Variants in KAZN observed in about 807,000 individuals in gnomAD.
The protein encoded by KAZN is kazrin.
KAZN carries 40 observed loss-of-function variants against 87.4 expected under a neutral mutation model. The observed-to-expected ratio is 0.46, with a 90% CI of 0.36 to 0.60. The LOEUF (loss-of-function observed/expected upper bound fraction) is 0.60, where lower values mean the gene tolerates loss of function less well. Ranked by LOEUF, KAZN falls within the 20% of genes least tolerant of loss-of-function variation. KAZN has a pLI of 0.00. For synonymous variants in KAZN, 466 were observed against 458.3 expected (o/e 1.02, Z -0.22); for missense variants, 898 against 1,073.9 (o/e 0.84, Z 2.29).
At chr1:14,014,301 A>T (rs1396617005) in intron 1 of KAZN, among the ~76,000 whole-genome samples, 3 of 152,076 alleles carry the variant, frequency 2.0e-5, no homozygotes, top group Non-Finnish European at 2.9e-5. Context: ...AGTCGCCTAG[A>T]CCAGGGTGCT....
intron 1 of KAZN, among the ~76,000 whole-genome samples, chr1:14,603,589 G>C (rs144771718): frequency 6.6e-6 from 1 of 152,168 alleles, no homozygotes; most frequent in East Asian, 1.9e-4. Flanking sequence ...TTAATTTCAT[G>C]CTTCCATTGT....
At chr1:14,237,001 A>G (rs923539917) in intron 2 of KAZN, among the ~76,000 whole-genome samples, 5 of 152,244 alleles carry the variant, frequency 3.3e-5, no homozygotes, top group Admixed American at 6.5e-5. Context: ...CATATAAACA[A>G]TGAAAATAAA....
chr1:14,687,809 T>C (rs1015472757), intron 1 of KAZN, among the ~76,000 whole-genome samples: 5 of 152,214 alleles, frequency 3.3e-5, no homozygotes, highest in African/African-American at 1.2e-4. Flanking sequence ...GGGGCTCACG[T>C]TGATAGGCAA....
chr1:14,437,167 C>T (rs781141132), intron 2 of KAZN, among the ~76,000 whole-genome samples: 11 of 152,196 alleles, frequency 7.2e-5, no homozygotes, highest in Non-Finnish European at 1.6e-4. Context: ...CCATGTGTCT[C>T]TTCTAGATAA....
At chr1:14,095,465 G>C (rs1644106672) in intron 1 of KAZN, among the ~76,000 whole-genome samples, 1 of 152,050 alleles carries the variant, frequency 6.6e-6, no homozygotes, top group African/African-American at 2.4e-5. Context: ...CCATTTTATT[G>C]TGCTCACAGA....
chr1:14,712,576 C>A (rs1364090578), intron 1 of KAZN, among the ~76,000 whole-genome samples: 2 of 152,194 alleles, frequency 1.3e-5, no homozygotes, highest in African/African-American at 4.8e-5. Context: ...GAGACCCCTC[C>A]GATCTGCCAG....
intron 2 of KAZN, among the ~76,000 whole-genome samples, chr1:14,261,667 C>T (rs1039410829): frequency 2.0e-5 from 3 of 152,166 alleles, no homozygotes; most frequent in Non-Finnish European, 4.4e-5. Flanking sequence ...AACTGTGAGG[C>T]AGAGTGTTTC....
intron 1 of KAZN, among the ~76,000 whole-genome samples, chr1:14,090,971 G>A (rs1010019610): frequency 2.0e-5 from 3 of 151,974 alleles, no homozygotes; most frequent in East Asian, 1.9e-4. Context: ...AATTAGCTGG[G>A]CATGGTGGCA....
At chr1:14,695,703 A>C (rs1421632993) in intron 1 of KAZN, among the ~76,000 whole-genome samples, 2 of 151,538 alleles carry the variant, frequency 1.3e-5, no homozygotes, top group Non-Finnish European at 2.9e-5. Context: ...ATGGGGTTTC[A>C]TCATGTTAGC....
At chr1:14,181,901 G>T (rs1401161872) in intron 2 of KAZN, among the ~76,000 whole-genome samples, 1 of 152,066 alleles carries the variant, frequency 6.6e-6, no homozygotes, top group Non-Finnish European at 1.5e-5. Context: ...ATCCCAAAAG[G>T]CATTGTGTGT....
intron 1 of KAZN, among the ~76,000 whole-genome samples, chr1:14,093,088 C>T (rs1432844415): frequency 2.6e-5 from 4 of 152,198 alleles, no homozygotes; most frequent in Non-Finnish European, 5.9e-5. Flanking sequence ...TACACGTCCA[C>T]TGTGCTCCCA....
chr1:14,426,069 C>G (rs1435799986), intron 2 of KAZN, among the ~76,000 whole-genome samples: 1 of 152,244 alleles, frequency 6.6e-6, no homozygotes, highest in Non-Finnish European at 1.5e-5. Flanking sequence ...GCCTGGGCCC[C>G]CCGGCCTCCT....
intron 1 of KAZN, among the ~76,000 whole-genome samples, chr1:14,926,817 G>A (rs1031093456): frequency 2.0e-5 from 3 of 152,204 alleles, no homozygotes; most frequent in South Asian, 2.1e-4. Flanking sequence ...CAAGTCAAAT[G>A]TGGTGCTCAG....
At chr1:14,520,329 G>C (rs1034793427) in intron 2 of KAZN, among the ~76,000 whole-genome samples, 1 of 152,084 alleles carries the variant, frequency 6.6e-6, no homozygotes, top group African/African-American at 2.4e-5. Flanking sequence ...CAGACCTCCC[G>C]AGAAGGGTGG....
At chr1:14,952,715 CA>C (rs1662645294) in intron 1 of KAZN, among the ~76,000 whole-genome samples, 1 of 152,204 alleles carries the variant, frequency 6.6e-6, no homozygotes, top group African/African-American at 2.4e-5. Flanking sequence ...GCCTTCAGCA[CA>C]TTCATCTCTG....
chr1:14,237,933 C>T (rs929502748), intron 2 of KAZN, among the ~76,000 whole-genome samples: 1 of 152,216 alleles, frequency 6.6e-6, no homozygotes, highest in African/African-American at 2.4e-5. Context: ...TTTATAAAAT[C>T]AGGTACTAAG....
At chr1:14,733,015 G>T (rs1643747337) in intron 1 of KAZN, among the ~76,000 whole-genome samples, 1 of 152,010 alleles carries the variant, frequency 6.6e-6, no homozygotes, top group Non-Finnish European at 1.5e-5. Flanking sequence ...CATGAGATTT[G>T]GGAAGAAATT....
intron 2 of KAZN, among the ~76,000 whole-genome samples, chr1:14,428,013 A>G (rs1327951857): frequency 2.0e-5 from 3 of 152,200 alleles, no homozygotes; most frequent in Non-Finnish European, 4.4e-5. Context: ...CTTGAGCTGG[A>G]ATCCATCAAG....
chr1:14,567,254 G>A (rs1215685088), intron 2 of KAZN, among the ~76,000 whole-genome samples: 1 of 152,138 alleles, frequency 6.6e-6, no homozygotes, highest in Admixed American at 6.6e-5. Flanking sequence ...GAAAGAAATG[G>A]GGAAACGGCC....
Sources: allele counts gnomAD v4.1 joint callset (sites outside exome capture counted in the v4.1 genomes callset), GRCh38; gene constraint gnomAD v4.1.1; transcripts MANE v1.5; gene names NCBI Gene and HGNC (gene_info 2026-07-23, HGNC 2026-07-21).